Variants in MTMR10 observed in about 807,000 individuals in gnomAD.
The protein encoded by MTMR10 is myotubularin related protein 10.
In MTMR10, 56 loss-of-function variants were observed where a neutral mutation model predicts 88.1. The observed-to-expected ratio is 0.64, with a 90% CI of 0.51 to 0.79. The LOEUF is 0.79. Among genes scored for constraint, MTMR10 ranks in the 30% least tolerant of loss-of-function variants. The pLI is 0.00. For synonymous variants in MTMR10, 380 were observed against 340.9 expected, an observed-to-expected ratio of 1.11 and a Z score of -1.26; for missense variants, 883 against 924.7, an observed-to-expected ratio of 0.95 and a Z score of 0.58.
intron 5 of MTMR10, among the ~76,000 whole-genome samples, chr15:30,972,448 G>A (rs2063548767): frequency 6.6e-6 from 1 of 151,992 alleles, no homozygotes; most frequent in East Asian, 1.9e-4. Flanking sequence ...TATATTTTAG[G>A]ATACTGGGGA....
chr15:30,939,878 C>G lies in MTMR10; in HGVS notation c.*1592G>C. 2 of 985,370 alleles carry G rather than the reference C, an allele frequency of 2.0e-6. No homozygotes were observed. The highest frequency in any genetic ancestry group is 2.4e-6 in the Non-Finnish European group (2 of 829,880). The allele number at this position is 985,370 out of a possible 1,614,324, so 61.0% of individuals were successfully genotyped here. A position where few individuals can be genotyped will look rare whatever the true frequency, so the allele number is the denominator to read the frequency against. On this transcript the variant is annotated 3_prime_UTR_variant, in exon 16 of 16. Coordinates refer to ENST00000435680, the MANE Select transcript of MTMR10 (RefSeq NM_017762.3). Reference sequence around the variant, plus strand: ...ATAAACTGAAACTAGCCCTTATTTTCTAGGCAACAAGTTGGCAAAAACCTT... The same window carrying G: ...ATAAACTGAAACTAGCCCTTATTTTGTAGGCAACAAGTTGGCAAAAACCTT...
chr15:30,989,978 G>A (rs575035220), intron 2 of MTMR10, among the ~76,000 whole-genome samples: 1 of 152,208 alleles, frequency 6.6e-6, no homozygotes, highest in African/African-American at 2.4e-5. Context: ...TTATACAATT[G>A]TTATACAATT....
chr15:30,989,575 T>C (rs1439106734), intron 2 of MTMR10, among the ~76,000 whole-genome samples: 2 of 150,036 alleles, frequency 1.3e-5, no homozygotes, highest in African/African-American at 2.5e-5. Flanking sequence ...CAAACTAGTA[T>C]TTGATTTCAG....
chr15:30,952,680 G>A (rs192018453), intron 11 of MTMR10, among the ~76,000 whole-genome samples: 1 of 152,118 alleles, frequency 6.6e-6, no homozygotes, highest in African/African-American at 2.4e-5. Context: ...TTTTTGTGGA[G>A]ATGGGGTCTC....
At chr15:30,943,926 C>T (rs1421337188) in intron 14 of MTMR10, 1 of 985,370 alleles carries the variant, frequency 1.0e-6, no homozygotes, top group African/African-American at 1.7e-5. Context: ...CACAACAGTT[C>T]GCTGGAGGAA....
chr15:30,967,842 T>C (rs1225073309), intron 6 of MTMR10, 78 bp downstream of exon 6: 2 of 1,208,538 alleles, frequency 1.7e-6, no homozygotes, highest in Non-Finnish European at 2.3e-6. Context: ...GCTCATGTAC[T>C]TGGAGGCTTC....
At chr15:30,991,400 C>T in intron 1 of MTMR10, 47 bp downstream of exon 1, 1 of 1,430,212 alleles carries the variant, frequency 7.0e-7, no homozygotes, top group Non-Finnish European at 9.2e-7. Context: ...GGAGGCTCCA[C>T]GGAAGCGCAG....
intron 11 of MTMR10, among the ~76,000 whole-genome samples, chr15:30,952,877 C>T (rs1418384652): frequency 7.2e-5 from 11 of 151,942 alleles, no homozygotes; most frequent in Non-Finnish European, 1.3e-4. Context: ...GCAACCTCTG[C>T]CTCCCAGGTT....
chr15:30,953,365 GGTGA>G (rs2063277792), intron 11 of MTMR10, among the ~76,000 whole-genome samples, 193 bp downstream of exon 11: 7 of 152,180 alleles, frequency 4.6e-5, no homozygotes, highest in Admixed American at 3.9e-4. Context: ...TGTATGAACT[GGTGA>G]GTAAGAGCTA....
At chr15:30,926,632 A>C in the MTMR10 span, 2 of 985,378 alleles carry the variant, frequency 2.0e-6, no homozygotes, top group Non-Finnish European at 1.2e-6. Flanking sequence ...ATTGGGGAAG[A>C]CGTGCAAATG....
intron 14 of MTMR10, among the ~76,000 whole-genome samples, chr15:30,945,398 A>T (rs1305643483): frequency 6.6e-6 from 1 of 152,204 alleles, no homozygotes; most frequent in Non-Finnish European, 1.5e-5. Flanking sequence ...TCCTGGTGAG[A>T]AGTCTGTCCG....
intron 5 of MTMR10, 116 bp from the exon 6 acceptor site, chr15:30,968,126 T>C (rs955949830): frequency 1.5e-6 from 1 of 673,784 alleles, no homozygotes; most frequent in Non-Finnish European, 2.4e-6. Flanking sequence ...AGATACTATT[T>C]ACATGTTTTT....
chr15:30,963,961 C>T (rs2063441621), intron 6 of MTMR10, among the ~76,000 whole-genome samples: 1 of 151,886 alleles, frequency 6.6e-6, no homozygotes, highest in Admixed American at 6.5e-5. Flanking sequence ...ATATGAATGA[C>T]TAGCTCTGTA....
In MTMR10 at chr15:30,941,861, C is replaced by T. The variant is rs6493352; in HGVS notation, c.1943G>A (p.Arg648His). The change falls in exon 16 of 16, where the codon CGT becomes CAT. Residue 648 changes from arginine to histidine, a missense_variant. Physicochemically the swap from Arg to His is conservative, Grantham distance 29. This residue lies in a region of MTMR10 where 343 missense variants were observed against 323.2 expected (regional missense o/e 1.06). Transcript: ENST00000435680. ...PANLHGVILP[R>H]VSGTHIKLWK... ...CAGTTTTATGTGTGTTCCAGAGACA[C>T]GTGGCAGAATAACACCGTGCAGGTT... 254,760 of 1,613,844 alleles carry T rather than the reference C, an allele frequency of 0.16. 21,150 individuals carry two copies. Among genetic ancestry groups the T allele is most frequent in the African/African-American group, 0.23 (17,138 of 74,962 alleles).
the MTMR10 span, chr15:30,928,154 G>T: frequency 9.9e-7 from 1 of 1,011,824 alleles, no homozygotes; most frequent in Non-Finnish European, 1.2e-6. Context: ...AGGGACCTCC[G>T]GCATCAGGGC....
chr15:30,928,775 C>A, the MTMR10 span: 1 of 1,534,736 alleles, frequency 6.5e-7, no homozygotes, highest in South Asian at 1.3e-5. Flanking sequence ...TCCTTTGGGT[C>A]ATCCACAGGT....
the MTMR10 span, chr15:30,925,146 A>G: frequency 2.4e-5 from 38 of 1,613,762 alleles, no homozygotes; most frequent in Middle Eastern, 3.3e-4. Flanking sequence ...TGCATCACAG[A>G]GGGGCTGGCG....
At chr15:30,944,546 A>G (rs1331580185) in intron 14 of MTMR10, among the ~76,000 whole-genome samples, 1 of 150,058 alleles carries the variant, frequency 6.7e-6, no homozygotes, top group Non-Finnish European at 1.5e-5. Flanking sequence ...AGCCTGGGTG[A>G]TAGAGCAAGA....
intron 5 of MTMR10, among the ~76,000 whole-genome samples, chr15:30,973,090 TATGTAC>T: frequency 6.6e-6 from 1 of 152,342 alleles, no homozygotes; most frequent in East Asian, 1.9e-4. Flanking sequence ...TGAAATATTT[TATGTAC>T]AGTCTAATAC....
Sources: gnomAD v4.1 joint callset for allele counts (sites outside exome capture counted in the v4.1 genomes callset) on GRCh38, gnomAD v4.1.1 for gene constraint, gnomAD v4.1.1 regional missense constraint, MANE v1.5 for transcripts, NCBI Gene and HGNC (gene_info 2026-07-23, HGNC 2026-07-21) for gene names.